FRMPD4: variants seen among roughly 807,000 people sequenced by gnomAD.
FRMPD4 encodes FERM and PDZ domain-containing protein 4.
FRMPD4 carries 22 observed loss-of-function variants against 94.1 expected under a neutral mutation model. That is an observed-to-expected ratio of 0.23 (90% CI 0.17 to 0.33). The LOEUF (loss-of-function observed/expected upper bound fraction) is 0.33, where lower values mean the gene tolerates loss of function less well. Ranked by LOEUF, FRMPD4 falls within the 10% of genes least tolerant of loss-of-function variation. The pLI, the probability that FRMPD4 is intolerant of heterozygous loss-of-function variation, is 1.00. For synonymous variants in FRMPD4, 631 were observed against 548.6 expected (o/e 1.15, Z -2.10); for missense variants, 1,111 against 1,339.9 (o/e 0.83, Z 2.67).
chrX:12,161,473 G>A (rs1029505281), intron 1 of FRMPD4, among the ~76,000 whole-genome samples: 12 of 112,126 alleles, frequency 1.1e-4, no homozygotes, highest in Non-Finnish European at 2.1e-4. Flanking sequence ...CCAAGAACTC[G>A]ATGAGCATTT....
At chrX:11,988,664 C>A (rs943522087) in intron 3 of FRMPD4, among the ~76,000 whole-genome samples, 3 of 111,772 alleles carry the variant, frequency 2.7e-5, no homozygotes, top group African/African-American at 9.8e-5. Flanking sequence ...AGTGAAGAGA[C>A]AACCCACAGA....
At chrX:12,341,445 A>G (rs2055612272) in intron 1 of FRMPD4, among the ~76,000 whole-genome samples, 1 of 111,897 alleles carries the variant, frequency 8.9e-6, no homozygotes, top group South Asian at 3.8e-4. Flanking sequence ...CTGACTCTAA[A>G]GGAAAGATGA....
intron 2 of FRMPD4, among the ~76,000 whole-genome samples, chrX:12,554,657 G>A (rs1236866223): frequency 9.0e-6 from 1 of 111,622 alleles, no homozygotes; most frequent in Non-Finnish European, 1.9e-5. Context: ...TGTTGCCTAG[G>A]CTGGAGTACA....
At chrX:12,152,437 G>A (rs901412542) in intron 1 of FRMPD4, among the ~76,000 whole-genome samples, 3 of 110,800 alleles carry the variant, frequency 2.7e-5, no homozygotes, top group Non-Finnish European at 5.7e-5. Context: ...AATACTGAAA[G>A]GATCTATAAG....
intron 4 of FRMPD4, among the ~76,000 whole-genome samples, chrX:12,630,271 A>T (rs971812087): frequency 2.2e-4 from 25 of 112,861 alleles, no homozygotes; most frequent in African/African-American, 7.7e-4. Flanking sequence ...TGCAGGCCAT[A>T]AGGGTCTCTG....
intron 3 of FRMPD4, among the ~76,000 whole-genome samples, chrX:11,910,203 A>C (rs1445003832): frequency 9.0e-6 from 1 of 111,725 alleles, no homozygotes; most frequent in Non-Finnish European, 1.9e-5. Flanking sequence ...GATTGTAAAC[A>C]ATCCCCCTAA....
At chrX:12,144,441 T>C (rs1601973089) in intron 1 of FRMPD4, among the ~76,000 whole-genome samples, 1 of 56,985 alleles carries the variant, frequency 1.8e-5, no homozygotes, top group Non-Finnish European at 2.6e-5. Flanking sequence ...AACATTCCCA[T>C]TTTTTTTTTT....
intron 1 of FRMPD4, among the ~76,000 whole-genome samples, chrX:12,189,803 T>C (rs1010504571): frequency 9.0e-6 from 1 of 111,476 alleles, no homozygotes; most frequent in Non-Finnish European, 1.9e-5. Flanking sequence ...CAAAACTTTC[T>C]TACTAAGATC....
intron 1 of FRMPD4, among the ~76,000 whole-genome samples, chrX:12,299,432 T>G (rs2054825003): frequency 9.0e-6 from 1 of 110,820 alleles, no homozygotes; most frequent in African/African-American, 3.3e-5. Flanking sequence ...TTGATGGGCC[T>G]TTCGAATACC....
chrX:12,712,349 G>A (rs2042002074), intron 14 of FRMPD4, among the ~76,000 whole-genome samples: 1 of 111,182 alleles, frequency 9.0e-6, no homozygotes. Flanking sequence ...AGGAGTTTGA[G>A]ATCAGACTGG....
rs112378052 is a variant in FRMPD4, at chrX:11,845,353, C to T, written c.-160-19733C>T. ...AATAGAAGATGAATCTCTGAATAGA[C>T]CAATAACAGGATCTGAACTTATGGC... On this transcript the variant is annotated intron_variant, in intron 1 of 18. Coordinates refer to the FRMPD4 transcript ENST00000640291. Among the ~76,000 whole-genome samples, 898 of 111,709 alleles carry T rather than the reference C, an allele frequency of 8.0e-3. 11 individuals carry two copies. The highest frequency in any genetic ancestry group is 0.028 in the African/African-American group (868 of 30,714).
chrX:11,912,793 GA>G (rs1056538332), intron 3 of FRMPD4, among the ~76,000 whole-genome samples: 1 of 107,457 alleles, frequency 9.3e-6, no homozygotes, highest in African/African-American at 3.4e-5. Flanking sequence ...AAAAAAAAAA[GA>G]AAAAAAGAAG....
chrX:12,518,614 C>A (rs752526698), intron 2 of FRMPD4, among the ~76,000 whole-genome samples: 2 of 111,808 alleles, frequency 1.8e-5, no homozygotes, highest in Non-Finnish European at 3.8e-5. Context: ...ACATTATACT[C>A]AATGCTGAAA....
chrX:12,017,756 A>G (rs2054611564), intron 3 of FRMPD4, among the ~76,000 whole-genome samples: 2 of 112,180 alleles, frequency 1.8e-5, no homozygotes, highest in Non-Finnish European at 3.8e-5. Context: ...AAGATGGACT[A>G]TATGAGGCTC....
intron 2 of FRMPD4, among the ~76,000 whole-genome samples, chrX:12,529,700 A>C (rs777328475): frequency 3.6e-5 from 4 of 111,932 alleles, no homozygotes; most frequent in Non-Finnish European, 7.5e-5. Context: ...TCAAAACCCA[A>C]ATGAGAGCAC....
chrX:12,527,905 G>C (rs906310940), intron 2 of FRMPD4, among the ~76,000 whole-genome samples: 5 of 112,095 alleles, frequency 4.5e-5, no homozygotes, highest in Non-Finnish European at 7.5e-5. Flanking sequence ...TTGGCTTAAT[G>C]GGGAAATTGA....
At chrX:12,279,039 C>T (rs903240355) in intron 1 of FRMPD4, among the ~76,000 whole-genome samples, 43 of 113,014 alleles carry the variant, frequency 3.8e-4, no homozygotes, top group Non-Finnish European at 1.3e-4. Context: ...CTCATTCTTC[C>T]ACTCTGCCTA....
chrX:11,980,965 G>T (rs1183255727), intron 3 of FRMPD4, among the ~76,000 whole-genome samples: 3 of 111,381 alleles, frequency 2.7e-5, no homozygotes, highest in Non-Finnish European at 5.7e-5. Flanking sequence ...TTTTTGTAAA[G>T]CTTGGTTAGA....
At chrX:12,020,570 G>A (rs1473773803) in intron 3 of FRMPD4, among the ~76,000 whole-genome samples, 1 of 111,825 alleles carries the variant, frequency 8.9e-6, no homozygotes, top group Non-Finnish European at 1.9e-5. Context: ...TGGAAATGGT[G>A]CACATTACTC....
Sources: gnomAD v4.1 joint callset for allele counts (sites outside exome capture counted in the v4.1 genomes callset) on GRCh38, gnomAD v4.1.1 for gene constraint, MANE v1.5 for transcripts, NCBI Gene and HGNC (gene_info 2026-07-23, HGNC 2026-07-21) for gene names.